The following LMOD3 variants were observed in gnomAD, a reference collection of about 807,000 sequenced individuals.
The protein encoded by LMOD3 is leiomodin-3.
In LMOD3, 31 loss-of-function variants were observed where a neutral mutation model predicts 41.8. That is an observed-to-expected ratio of 0.74 (90% CI 0.56 to 1.00). The LOEUF (loss-of-function observed/expected upper bound fraction) is 1.00, where lower values mean the gene tolerates loss of function less well. LMOD3 is among the 50% of genes least tolerant of loss of function. The probability of loss-of-function intolerance (pLI) is 0.00; values close to 1 mark genes in which losing one functional copy is unlikely to be tolerated. For synonymous variants in LMOD3, 292 were observed against 241.9 expected (o/e 1.21, Z -1.92); for missense variants, 755 against 679.5 (o/e 1.11, Z -1.23).
chr3:69,122,510 G>T lies in LMOD3; in HGVS notation c.-124C>A. On this transcript the variant is annotated 5_prime_UTR_variant, in exon 1 of 3. Coordinates refer to ENST00000420581, the MANE Select transcript of LMOD3 (RefSeq NM_198271.5). ...GTGTCCCAAGTTAACACACCCTTGA[G>T]ATATTTTTTTTTTTTTCCCAGGAAC... The T allele has an allele frequency of 2.7e-6, 2 of 737,778 alleles. No individual in the cohort carries two copies. The highest frequency in any genetic ancestry group is 4.3e-6 in the Non-Finnish European group (2 of 467,740). 45.7% of individuals were successfully genotyped at this position (737,778 alleles called of 1,614,324 possible).
chr3:69,119,364 T>C lies in LMOD3; in HGVS notation c.991A>G (p.Met331Val). 1.9e-6 allele frequency: 3 copies of C among 1,613,992 alleles called. No homozygotes were observed. Among genetic ancestry groups the C allele is most frequent in the South Asian group, 1.1e-5 (1 of 91,080 alleles). The change falls in exon 2 of 3, where the codon ATG (methionine) becomes GTG (valine). Residue 331 changes from methionine (M) to valine (V), a missense_variant. Coordinates refer to ENST00000420581, the MANE Select transcript of LMOD3 (RefSeq NM_198271.5). Reference sequence around the variant, plus strand: ...GTCTCATTAAACTGGAGACACCTCATGATGGCCACAATCCCTTTACCTGTG... The same window carrying C: ...GTCTCATTAAACTGGAGACACCTCACGATGGCCACAATCCCTTTACCTGTG... ...FITGKGIVAI[M>V]RCLQFNETLT...
intron 2 of LMOD3, among the ~76,000 whole-genome samples, chr3:69,117,851 T>TTTTTTTTTTTTTTTTTTTA (rs1559660748): frequency 2.9e-4 from 44 of 150,932 alleles, no homozygotes; most frequent in African/African-American, 9.8e-4. Context: ...TTTTTTTTTT[T>TTTTTTTTTTTTTTTTTTTA]AGATGGAGTC....
At chr3:69,115,683 C>A (rs1381481063) in intron 2 of LMOD3, among the ~76,000 whole-genome samples, 1 of 152,202 alleles carries the variant, frequency 6.6e-6, no homozygotes, top group Non-Finnish European at 1.5e-5. Flanking sequence ...CAAAACCCTT[C>A]ATTTCACCTC....
At chr3:69,111,015 A>G (rs2092347853) in intron 2 of LMOD3, among the ~76,000 whole-genome samples, 1 of 151,864 alleles carries the variant, frequency 6.6e-6, no homozygotes, top group Admixed American at 6.6e-5. Context: ...GTGTCATTGT[A>G]TCTTAGGAAA....
At chr3:69,118,624 A>G in intron 2 of LMOD3, 75 bp downstream of exon 2, 1 of 1,479,796 alleles carries the variant, frequency 6.8e-7, no homozygotes, top group South Asian at 1.4e-5. Flanking sequence ...TTATGTTAAA[A>G]CAGAGAGGGA....
chr3:69,112,284 A>G (rs1471466537), intron 2 of LMOD3, among the ~76,000 whole-genome samples: 1 of 152,230 alleles, frequency 6.6e-6, no homozygotes, highest in Non-Finnish European at 1.5e-5. Context: ...CGGGTGGGAA[A>G]GTTGGTTTCA....
chr3:69,112,203 T>TTGTG (rs145026767), intron 2 of LMOD3, among the ~76,000 whole-genome samples: 1 of 151,680 alleles, frequency 6.6e-6, no homozygotes, highest in African/African-American at 2.4e-5. Context: ...TCTAGTGTGC[T>TTGTG]TGTGTGTGTG....
chr3:69,119,658 T>G lies in LMOD3; in HGVS notation c.697A>C (p.Arg233=), dbSNP rs2092397006. The G allele has an allele frequency of 8.1e-6, 13 of 1,613,956 alleles. No individual in the cohort carries two copies. Among genetic ancestry groups the G allele is most frequent in the Non-Finnish European group, 1.1e-5 (13 of 1,179,888 alleles). ...LDTSFLKVST[R]PSGNQTDLDG... The stretch of plus-strand genomic sequence containing the variant: ...AGGTCTGTCTGGTTTCCTGAAGGCC[T>G]TGTACTTACCTTCAAAAAGCTGGTG... The change falls in exon 2 of 3, where the codon AGG becomes CGG. Residue 233 remains arginine, a synonymous_variant. Transcript: ENST00000420581.
chr3:69,121,782 C>G (rs1478405960), intron 1 of LMOD3, among the ~76,000 whole-genome samples: 1 of 152,190 alleles, frequency 6.6e-6, no homozygotes, highest in Non-Finnish European at 1.5e-5. Flanking sequence ...GTAAGGACAA[C>G]TGCCTCTGGG....
In LMOD3 at chr3:69,106,507, A is replaced by G. The variant is rs1274545237; in HGVS notation, c.*2588T>C. On this transcript the variant is annotated 3_prime_UTR_variant, in exon 3 of 3. Transcript: ENST00000420581. ...TAAGATCTTTAGGGTTGGGTGGTAG[A>G]AAAAGCATAATGTGAACTGCTTCAC... is the stretch of plus-strand genomic sequence containing the variant. 6.6e-6 allele frequency among the ~76,000 whole-genome samples: 1 copy of G among 152,220 alleles called. No individual in the cohort carries two copies. The highest frequency in any genetic ancestry group is 1.5e-5 in the Non-Finnish European group (1 of 68,040).
intron 2 of LMOD3, among the ~76,000 whole-genome samples, chr3:69,113,700 G>A (rs1320063202): frequency 2.6e-5 from 4 of 152,334 alleles, no homozygotes; most frequent in Admixed American, 6.5e-5. Context: ...GTTATCTTGC[G>A]TGATTGGCAC....
rs745957045 is a variant in LMOD3 at position 69,119,106 on chromosome 3, T to A, written c.1249A>T (p.Ile417Leu). Residue 417 changes from isoleucine to leucine, a missense_variant, in exon 2 of 3, where the codon ATA (isoleucine) becomes TTA (leucine). Coordinates refer to ENST00000420581, the MANE Select transcript of LMOD3 (RefSeq NM_198271.5). ...CCCAACCCATTCTCTAACATGGCTA[T>A]CAGCTTCTTCTGTTCCTTGAGTTGC... ...QQQLKEQKKL[I>L]AMLENGLGLP... The A allele has an allele frequency of 2.3e-5, 37 of 1,613,738 alleles. No individual in the cohort carries two copies. In the Middle Eastern group the frequency reaches 4.9e-4, roughly 22 times the overall value.
In LMOD3 at chr3:69,112,342, A is replaced by C. The variant is rs1036806398; in HGVS notation, c.1657-3221T>G. On this transcript the variant is annotated intron_variant, in intron 2 of 2. Transcript: ENST00000420581. Reference sequence around the variant, plus strand: ...TACCTGTATTAAGTTCCTGCTCTGGACCAACACCTCAGTGGATGTCCAGGA... The same window carrying C: ...TACCTGTATTAAGTTCCTGCTCTGGCCCAACACCTCAGTGGATGTCCAGGA... 3.9e-5 allele frequency among the ~76,000 whole-genome samples: 6 copies of C among 152,320 alleles called. No individual in the cohort carries two copies. In the East Asian group the frequency reaches 1.2e-3, roughly 29 times the overall value.
At position 69,119,785 on chromosome 3, in the gene LMOD3, C is replaced by A. The variant is rs750650524; in HGVS notation, c.570G>T (p.Gln190His). The A allele has an allele frequency of 2.5e-6, 4 of 1,610,776 alleles. No homozygotes were observed. Among genetic ancestry groups the A allele is most frequent in the Non-Finnish European group, 3.4e-6 (4 of 1,178,090 alleles). ...QIRNCENNCQ[Q>H]VTDKAFKEQR... The stretch of plus-strand genomic sequence containing the variant: ...GTTCTTTGAATGCTTTGTCAGTTAC[C>A]TGCTGGCAGTTGTTCTCACAATTTC... Residue 190 changes from glutamine (Q) to histidine (H), a missense_variant, in exon 2 of 3, where the codon CAG (glutamine) becomes CAT (histidine). Gln to His is a conservative substitution (Grantham distance 24). Coordinates refer to ENST00000420581, the MANE Select transcript of LMOD3 (RefSeq NM_198271.5).
In LMOD3 at chr3:69,119,929, T is replaced by G. The variant is rs111848977; in HGVS notation, c.426A>C (p.Glu142Asp). The G allele has an allele frequency of 3.3e-3, 5,081 of 1,558,826 alleles. 16 individuals are homozygous for G. The highest frequency in any genetic ancestry group is 4.0e-3 in the Non-Finnish European group (4,578 of 1,149,150). ...RESKGSSNIQ[E>D]TDEEDEEEED... ...CTTCTTCTTCATCTTCTTCATCTGT[T>G]TCTTGGATATTGCTGCTGCCCTTTG... The change falls in exon 2 of 3, where the codon GAA (glutamate) becomes GAC (aspartate). Residue 142 changes from glutamate (E) to aspartate (D), a missense_variant. By Grantham distance (45) the Glu-to-Asp change is conservative. Transcript: ENST00000420581.
In LMOD3 at chr3:69,106,266, TG is replaced by T. The variant is rs756266072; in HGVS notation, c.*2828del. On this transcript the variant is annotated 3_prime_UTR_variant, in exon 3 of 3. Coordinates refer to ENST00000420581, the MANE Select transcript of LMOD3 (RefSeq NM_198271.5). ...AAACCTGGCACGAGTTTTATATACA[TG>T]TTAGCCCAGTTTTATATACATGTTA... is the stretch of plus-strand genomic sequence containing the variant. 6.6e-6 allele frequency among the ~76,000 whole-genome samples: 1 copy of T among 152,144 alleles called. No individual in the cohort carries two copies. Among genetic ancestry groups the T allele is most frequent in the Admixed American group, 6.6e-5 (1 of 15,262 alleles).
chr3:69,108,295 T>G lies in LMOD3; in HGVS notation c.*800A>C, dbSNP rs1330939551. 1 of 152,188 alleles carries G rather than the reference T, an allele frequency of 6.6e-6. No individual in the cohort carries two copies. The highest frequency in any genetic ancestry group is 1.5e-5 in the Non-Finnish European group (1 of 68,026). The allele number at this position is 152,188 out of a possible 1,614,324, so 9.4% of individuals were successfully genotyped here. A position where few individuals can be genotyped will look rare whatever the true frequency, so the allele number is the denominator to read the frequency against. ...CAAAAGCTTGTCAATAACTATATTA[T>G]GTAAAACTTCTTTTCTATAAAAACA... On this transcript the variant is annotated 3_prime_UTR_variant, in exon 3 of 3. Coordinates refer to ENST00000420581, the MANE Select transcript of LMOD3 (RefSeq NM_198271.5).
chr3:69,118,886 A>T lies in LMOD3; in HGVS notation c.1469T>A (p.Leu490Gln). The T allele has an allele frequency of 6.2e-7, 1 of 1,610,076 alleles. No homozygotes were observed. Among genetic ancestry groups the T allele is most frequent in the South Asian group, 1.1e-5 (1 of 90,682 alleles). The change falls in exon 2 of 3, where the codon CTG (leucine) becomes CAG (glutamine). Residue 490 changes from leucine to glutamine, a missense_variant. Transcript: ENST00000420581. ...CCGAGATTTGCGCTGGATTCTCTTC[A>T]GCTTCACCACCCGGAAGGAGTCAGG... ...TDPDSFRVVK[L>Q]KRIQRKSRMP...
intron 2 of LMOD3, 88 bp from the exon 3 acceptor site, chr3:69,109,209 T>A: frequency 8.2e-7 from 1 of 1,212,362 alleles, no homozygotes; most frequent in Non-Finnish European, 1.2e-6. Flanking sequence ...TTACATGCCT[T>A]AAAAGATACA....
Sources: allele counts gnomAD v4.1 joint callset (sites outside exome capture counted in the v4.1 genomes callset), GRCh38; gene constraint gnomAD v4.1.1; transcripts MANE v1.5; gene names NCBI Gene and HGNC (gene_info 2026-07-23, HGNC 2026-07-21).